PREP: variants seen among roughly 807,000 people sequenced by gnomAD.
The protein encoded by PREP is prolyl endopeptidase.
Under a neutral mutation model 87.6 loss-of-function variants are expected in PREP, and 29 were observed. That is an observed-to-expected ratio of 0.33 (90% CI 0.25 to 0.45). PREP has a LOEUF of 0.45. PREP is among the 20% of genes least tolerant of loss of function. The pLI is 1.00. For missense variants in PREP, 695 were observed against 886.5 expected, an observed-to-expected ratio of 0.78 and a Z score of 2.74; for synonymous variants, 337 against 328.6, an observed-to-expected ratio of 1.03 and a Z score of -0.28.
At chr6:105,382,641 T>C (rs1772876313) in intron 2 of PREP, among the ~76,000 whole-genome samples, 1 of 152,032 alleles carries the variant, frequency 6.6e-6, no homozygotes, top group African/African-American at 2.4e-5. Context: ...ACCATGGTGA[T>C]TAACAAGATG....
intron 10 of PREP, among the ~76,000 whole-genome samples, chr6:105,293,541 G>T (rs1770344139): frequency 1.3e-5 from 2 of 149,680 alleles, no homozygotes; most frequent in African/African-American, 4.9e-5. Flanking sequence ...AGCACATGTT[G>T]TTGAAAAAAT....
In PREP at chr6:105,278,149, G is replaced by C. The variant is rs752310832; in HGVS notation, c.2128C>G (p.Pro710Ala). 12 of 1,607,580 alleles carry C rather than the reference G, an allele frequency of 7.5e-6. No individual in the cohort carries two copies. In the South Asian group the frequency reaches 1.3e-4, roughly 18 times the overall value. The change falls in exon 15 of 15, where the codon CCA becomes GCA. Residue 710 changes from proline to alanine, a missense_variant. Physicochemically the swap from Pro to Ala is conservative, Grantham distance 27 (BLOSUM62 -1). Transcript: ENST00000652536. The surrounding 1 kb of genome is among the most constrained non-coding windows in gnomAD (Gnocchi z 4.2). ...GGAGGAAGCACGAAAACTGTTTATG[G>C]AATCCAGTCGACGTTCAGGCACCGC... is the stretch of plus-strand genomic sequence containing the variant. ...IARCLNVDWI[P>A]
chr6:105,368,634 T>G (rs554154009), intron 6 of PREP, among the ~76,000 whole-genome samples: 1 of 152,210 alleles, frequency 6.6e-6, no homozygotes, highest in Non-Finnish European at 1.5e-5. Flanking sequence ...TTTACCTTAC[T>G]AGGTACTTTT....
At chr6:105,368,557 A>G (rs922998920) in intron 6 of PREP, among the ~76,000 whole-genome samples, 3 of 152,228 alleles carry the variant, frequency 2.0e-5, no homozygotes, top group Admixed American at 2.0e-4. Context: ...ATGTACAAAG[A>G]AAATTTGTGG....
At chr6:105,334,530 C>T (rs1459871516) in intron 7 of PREP, among the ~76,000 whole-genome samples, 2 of 152,082 alleles carry the variant, frequency 1.3e-5, no homozygotes, top group Non-Finnish European at 2.9e-5. Flanking sequence ...ACCAGCCTGG[C>T]CAACACGGTG....
intron 10 of PREP, among the ~76,000 whole-genome samples, chr6:105,319,934 A>G (rs1770961616): frequency 6.6e-6 from 1 of 152,218 alleles, no homozygotes; most frequent in Admixed American, 6.5e-5. Context: ...CTTTGTATTC[A>G]AACAGTACCT....
At chr6:105,339,328 T>C (rs1771569810) in intron 7 of PREP, among the ~76,000 whole-genome samples, 1 of 152,172 alleles carries the variant, frequency 6.6e-6, no homozygotes, top group African/African-American at 2.4e-5. Context: ...GGGTCCTGAC[T>C]GTTAGAAGGA....
intron 10 of PREP, among the ~76,000 whole-genome samples, chr6:105,300,411 ATTCCAT>A (rs1296406066): frequency 6.6e-6 from 1 of 152,218 alleles, no homozygotes; most frequent in Non-Finnish European, 1.5e-5. Flanking sequence ...TACCAAAAAA[ATTCCAT>A]TTCAATAGTA....
At position 105,274,102 on chromosome 6, in the gene PREP, C is replaced by T. The variant is rs1023197642; in HGVS notation, c.*4042G>A. On this transcript the variant is annotated 3_prime_UTR_variant, in exon 15 of 15. Coordinates refer to ENST00000652536, the MANE Select transcript of PREP (RefSeq NM_002726.5). ...ATCTTGTTAATAGACTCGTGGGTAT[C>T]TTAGTCTGTTTAAGCTGCTATAAGA... is the stretch of plus-strand genomic sequence containing the variant. Among the ~76,000 whole-genome samples the T allele has an allele frequency of 3.9e-5, 6 of 152,130 alleles. No homozygotes were observed. Among genetic ancestry groups the T allele is most frequent in the African/African-American group, 1.4e-4 (6 of 41,408 alleles).
Position 105,333,474 on chromosome 6 carries a change from G to C in PREP, c.855C>G (p.Asn285Lys). ...TCACGTAGTCATATTCCCCTTCAAAGTTGTCAATCAGTTTTACCCACTTCA... is the reference window on the plus strand; with the variant it reads ...TCACGTAGTCATATTCCCCTTCAAACTTGTCAATCAGTTTTACCCACTTCA... ...GILKWVKLID[N>K]FEGEYDYVTN... The change falls in exon 8 of 15, where the codon AAC (asparagine) becomes AAG (lysine). Residue 285 changes from asparagine to lysine, a missense_variant. By Grantham distance (94) the Asn-to-Lys change is moderately conservative. Coordinates refer to ENST00000652536, the MANE Select transcript of PREP (RefSeq NM_002726.5). 1 of 1,614,162 alleles carries C rather than the reference G, an allele frequency of 6.2e-7. No individual in the cohort carries two copies.
At chr6:105,349,898 T>TA (rs1162063177) in intron 7 of PREP, among the ~76,000 whole-genome samples, 2,855 of 59,056 alleles carry the variant, frequency 0.048, 145 homozygotes, top group African/African-American at 0.12. Flanking sequence ...GGGAAGCAGG[T>TA]AAAAAAAAAA....
At chr6:105,349,014 A>G (rs918173000) in intron 7 of PREP, among the ~76,000 whole-genome samples, 2 of 151,890 alleles carry the variant, frequency 1.3e-5, no homozygotes, top group Non-Finnish European at 2.9e-5. Context: ...TTTGGAGACG[A>G]TCTGCTTAGC....
At chr6:105,356,592 A>G (rs1304737098) in intron 6 of PREP, among the ~76,000 whole-genome samples, 1 of 152,166 alleles carries the variant, frequency 6.6e-6, no homozygotes, top group Non-Finnish European at 1.5e-5. Flanking sequence ...TTGGATCATT[A>G]GCTCAGTGAG....
chr6:105,352,071 CTAA>C (rs1219069677), intron 7 of PREP, among the ~76,000 whole-genome samples: 2 of 152,098 alleles, frequency 1.3e-5, no homozygotes, highest in African/African-American at 2.4e-5. Context: ...AGATTAGAAA[CTAA>C]TAATGAGGTA....
At chr6:105,381,848 A>G (rs1023384720) in intron 2 of PREP, among the ~76,000 whole-genome samples, 30 of 137,004 alleles carry the variant, frequency 2.2e-4, no homozygotes, top group African/African-American at 9.9e-4. Flanking sequence ...GTGCACAGAA[A>G]AATCTGTTAC....
intron 6 of PREP, among the ~76,000 whole-genome samples, chr6:105,356,698 G>A (rs2114688749): frequency 6.6e-6 from 1 of 152,294 alleles, no homozygotes; most frequent in South Asian, 2.1e-4. Flanking sequence ...CTCTTTCCTG[G>A]ATCAGTCTGG....
intron 10 of PREP, 135 bp downstream of exon 10, chr6:105,323,530 C>A: frequency 1.3e-6 from 1 of 789,052 alleles, no homozygotes; most frequent in East Asian, 2.7e-5. Flanking sequence ...GCTCAATGAC[C>A]GTCAACCGTG....
chr6:105,322,736 A>G, intron 10 of PREP: 1 of 1,014,148 alleles, frequency 9.9e-7, no homozygotes, highest in African/African-American at 1.7e-5. Context: ...ACAGGGGCTG[A>G]TAAATCATAG....
At chr6:105,292,183 T>C (rs890471227) in intron 10 of PREP, among the ~76,000 whole-genome samples, 14 of 152,242 alleles carry the variant, frequency 9.2e-5, no homozygotes, top group African/African-American at 4.8e-5. Flanking sequence ...TCATGGTATC[T>C]AGAATGGTGA....
Sources: gnomAD v4.1 joint callset for allele counts (sites outside exome capture counted in the v4.1 genomes callset) on GRCh38, gnomAD v4.1.1 for gene constraint, Gnocchi (gnomAD v3.1) non-coding constraint, MANE v1.5 for transcripts, NCBI Gene and HGNC (gene_info 2026-07-23, HGNC 2026-07-21) for gene names.